The following SLC24A3 variants were observed in gnomAD, a reference collection of about 807,000 sequenced individuals.
The protein encoded by SLC24A3 is sodium/potassium/calcium exchanger 3.
In SLC24A3, 28 loss-of-function variants were observed where a neutral mutation model predicts 75.8. The ratio of observed to expected loss-of-function variants is 0.37; its 90% confidence interval spans 0.27 to 0.51. SLC24A3 has a LOEUF of 0.51. Ranked by LOEUF, SLC24A3 falls within the 20% of genes least tolerant of loss-of-function variation. The pLI, the probability that SLC24A3 is intolerant of heterozygous loss-of-function variation, is 0.94. For missense variants in SLC24A3, 663 were observed against 847.8 expected (o/e 0.78, Z 2.71); for synonymous variants, 372 against 334.1 (o/e 1.11, Z -1.24).
chr20:19,433,796 C>T, intron 2 of SLC24A3, among the ~76,000 whole-genome samples: 1 of 152,210 alleles, frequency 6.6e-6, no homozygotes. Context: ...ATCTTAATGT[C>T]TCTCTAGGCC....
At chr20:19,461,923 A>G (rs73900202) in intron 2 of SLC24A3, among the ~76,000 whole-genome samples, 3,719 of 152,284 alleles carry the variant, frequency 0.024, 145 homozygotes, top group African/African-American at 0.085. Context: ...GAGGTTAAGT[A>G]AAGTCTCTCA....
At chr20:19,301,409 A>T (rs139304478) in intron 2 of SLC24A3, among the ~76,000 whole-genome samples, 2 of 152,306 alleles carry the variant, frequency 1.3e-5, no homozygotes, top group East Asian at 3.9e-4. Flanking sequence ...TTAAAAAAGC[A>T]TGCAGCCCAG....
At chr20:19,290,523 G>A (rs6045959) in intron 2 of SLC24A3, among the ~76,000 whole-genome samples, 9,143 of 152,228 alleles carry the variant, frequency 0.06, 606 homozygotes, top group African/African-American at 0.17. Flanking sequence ...AGGCTAGAGT[G>A]AGAAAATGTC....
intron 3 of SLC24A3, among the ~76,000 whole-genome samples, chr20:19,549,691 C>T (rs1056149444): frequency 1.3e-5 from 2 of 152,044 alleles, no homozygotes; most frequent in Non-Finnish European, 2.9e-5. Flanking sequence ...GGCTGAGGCA[C>T]GAGAATTGCT....
chr20:19,705,301 G>T (rs1330559839), intron 15 of SLC24A3, among the ~76,000 whole-genome samples: 2 of 152,172 alleles, frequency 1.3e-5, no homozygotes, highest in Admixed American at 6.5e-5. Context: ...GATGGTTGGA[G>T]GAACCTCTCT....
intron 2 of SLC24A3, among the ~76,000 whole-genome samples, chr20:19,455,632 G>A (rs1398005948): frequency 1.3e-5 from 2 of 152,172 alleles, no homozygotes; most frequent in African/African-American, 4.8e-5. Context: ...ACCTCTTCAT[G>A]GAGCAATAAA....
intron 12 of SLC24A3, among the ~76,000 whole-genome samples, chr20:19,690,912 G>T (rs1319747697): frequency 6.6e-6 from 1 of 152,034 alleles, no homozygotes; most frequent in Non-Finnish European, 1.5e-5. Flanking sequence ...TTGTAAATTG[G>T]ATAGCCTTAG....
In SLC24A3 at chr20:19,687,770, C is replaced by T. The variant is rs562731300; in HGVS notation, c.1324+2409C>T. On this transcript the variant is annotated intron_variant, in intron 12 of 16. Transcript: ENST00000328041. ...AGCACCCCTTTCAGATCCCTGGTTCCGTATTTCTCTCCTGGATGAGAGCTA... is the reference window on the plus strand; with the variant it reads ...AGCACCCCTTTCAGATCCCTGGTTCTGTATTTCTCTCCTGGATGAGAGCTA... Among the ~76,000 whole-genome samples, 4 of 152,234 alleles carry T rather than the reference C, an allele frequency of 2.6e-5. No homozygotes were observed. The East Asian group carries it at 5.8e-4, about 22-fold the overall frequency.
chr20:19,352,510 AACAGCCCT>A (rs1372995212), intron 2 of SLC24A3, among the ~76,000 whole-genome samples: 2 of 152,200 alleles, frequency 1.3e-5, no homozygotes, highest in Non-Finnish European at 2.9e-5. Flanking sequence ...TGATTATTGA[AACAGCCCT>A]TAAACACGTT....
intron 3 of SLC24A3, among the ~76,000 whole-genome samples, chr20:19,518,335 C>T (rs1013220067): frequency 6.6e-6 from 1 of 152,232 alleles, no homozygotes; most frequent in African/African-American, 2.4e-5. Flanking sequence ...CATGGCTTCA[C>T]TCTGAAGGAA....
chr20:19,553,840 C>T (rs2030741852), intron 3 of SLC24A3, among the ~76,000 whole-genome samples: 1 of 152,002 alleles, frequency 6.6e-6, no homozygotes, highest in East Asian at 1.9e-4. Flanking sequence ...AAAGACGGAG[C>T]GTATAAAGAC....
chr20:19,248,436 G>T (rs1982558400), intron 1 of SLC24A3, among the ~76,000 whole-genome samples: 1 of 152,096 alleles, frequency 6.6e-6, no homozygotes, highest in Non-Finnish European at 1.5e-5. Flanking sequence ...CTTAGTATTG[G>T]TTATAAAGCA....
chr20:19,603,460 G>A (rs115366468), intron 6 of SLC24A3, among the ~76,000 whole-genome samples: 106 of 152,300 alleles, frequency 7.0e-4, no homozygotes, highest in African/African-American at 2.4e-3. Flanking sequence ...TGGTGCTCAC[G>A]TATCAAGTGG....
chr20:19,371,360 G>A (rs1985989881), intron 2 of SLC24A3, among the ~76,000 whole-genome samples: 2 of 100,550 alleles, frequency 2.0e-5, no homozygotes, highest in African/African-American at 1.5e-4. Flanking sequence ...GGAGGTCTGG[G>A]GATCACCGAG....
intron 6 of SLC24A3, among the ~76,000 whole-genome samples, chr20:19,596,939 G>C (rs2031459892): frequency 6.6e-6 from 1 of 152,168 alleles, no homozygotes; most frequent in African/African-American, 2.4e-5. Context: ...TCCAGCTAGA[G>C]TTTGGATATT....
chr20:19,626,210 A>G (rs1600308753), intron 6 of SLC24A3, among the ~76,000 whole-genome samples: 1 of 152,244 alleles, frequency 6.6e-6, no homozygotes, highest in Non-Finnish European at 1.5e-5. Context: ...AAGACTTGAC[A>G]TGATCCTGCT....
At chr20:19,516,417 G>A (rs1349942788) in intron 3 of SLC24A3, among the ~76,000 whole-genome samples, 2 of 152,208 alleles carry the variant, frequency 1.3e-5, no homozygotes, top group Non-Finnish European at 2.9e-5. Context: ...GCTGTGAAGC[G>A]AGCTCCCCAC....
At chr20:19,667,009 T>G (rs2032406936) in intron 8 of SLC24A3, among the ~76,000 whole-genome samples, 1 of 152,168 alleles carries the variant, frequency 6.6e-6, no homozygotes, top group African/African-American at 2.4e-5. Flanking sequence ...GTAGAAAATC[T>G]CCCTGGTATT....
chr20:19,509,254 T>G (rs1428323731), intron 2 of SLC24A3, among the ~76,000 whole-genome samples: 1 of 152,158 alleles, frequency 6.6e-6, no homozygotes, highest in Non-Finnish European at 1.5e-5. Flanking sequence ...TTATTCAAAA[T>G]CTAACTGATC....
Sources: allele counts gnomAD v4.1 joint callset (sites outside exome capture counted in the v4.1 genomes callset), GRCh38; gene constraint gnomAD v4.1.1; transcripts MANE v1.5; gene names NCBI Gene and HGNC (gene_info 2026-07-23, HGNC 2026-07-21).